The following DENND1A variants were observed in gnomAD, a reference collection of about 807,000 sequenced individuals.
DENND1A encodes DENN domain containing 1A.
In DENND1A, 51 loss-of-function variants were observed where a neutral mutation model predicts 113.7. The observed-to-expected ratio is 0.45, with a 90% CI of 0.36 to 0.57. The LOEUF is 0.57. DENND1A is among the 20% of genes least tolerant of loss of function. DENND1A has a pLI of 0.00. For missense variants in DENND1A, 1,258 were observed against 1,395.9 expected, an observed-to-expected ratio of 0.90 and a Z score of 1.57; for synonymous variants, 565 against 570.8, an observed-to-expected ratio of 0.99 and a Z score of 0.14.
At chr9:123,530,361 CTGTT>C (rs747110117) in intron 13 of DENND1A, among the ~76,000 whole-genome samples, 82 of 152,096 alleles carry the variant, frequency 5.4e-4, no homozygotes, top group Non-Finnish European at 9.6e-4. Context: ...TGATAACAGA[CTGTT>C]TGCCAATAGA....
chr9:123,394,332 G>A (rs1048299666), intron 21 of DENND1A, among the ~76,000 whole-genome samples: 11 of 152,176 alleles, frequency 7.2e-5, no homozygotes, highest in African/African-American at 2.7e-4. Flanking sequence ...GCATCTCCGA[G>A]AGGGGCAGGC....
At chr9:123,840,898 T>A (rs916256730) in intron 2 of DENND1A, among the ~76,000 whole-genome samples, 2 of 152,170 alleles carry the variant, frequency 1.3e-5, no homozygotes, top group Non-Finnish European at 2.9e-5. Flanking sequence ...TATTGCCTCA[T>A]TTTACAATTA....
At chr9:123,525,238 G>A (rs924457228) in intron 13 of DENND1A, among the ~76,000 whole-genome samples, 17 of 152,196 alleles carry the variant, frequency 1.1e-4, no homozygotes, top group Admixed American at 7.9e-4. Context: ...CCAGGACCCA[G>A]GGAGCAGCCC....
intron 13 of DENND1A, among the ~76,000 whole-genome samples, chr9:123,555,171 G>C (rs2057349452): frequency 6.6e-6 from 1 of 152,060 alleles, no homozygotes; most frequent in Non-Finnish European, 1.5e-5. Flanking sequence ...CCTCCTTCAT[G>C]GTCCCTGTTC....
chr9:123,440,868 T>C (rs993343437), intron 18 of DENND1A, among the ~76,000 whole-genome samples: 1 of 152,242 alleles, frequency 6.6e-6, no homozygotes, highest in African/African-American at 2.4e-5. Context: ...TTCCCCACTA[T>C]ATTATAAGCA....
chr9:123,393,423 C>T (rs945049407), intron 21 of DENND1A, among the ~76,000 whole-genome samples: 1 of 152,068 alleles, frequency 6.6e-6, no homozygotes. Context: ...AGAGATTCCA[C>T]AGCAAAGGAA....
chr9:123,401,695 T>C (rs1292542846), intron 21 of DENND1A: 14 of 1,535,586 alleles, frequency 9.1e-6, no homozygotes, highest in African/African-American at 1.4e-5. Context: ...AAACTAAAAG[T>C]GATACTGACA....
chr9:123,897,214 G>A (rs1252266073), intron 1 of DENND1A, among the ~76,000 whole-genome samples: 1 of 152,194 alleles, frequency 6.6e-6, no homozygotes, highest in Non-Finnish European at 1.5e-5. Flanking sequence ...GATGAAATGG[G>A]ATAGAAGATT....
At chr9:123,658,230 T>C (rs1314431884) in intron 8 of DENND1A, among the ~76,000 whole-genome samples, 2 of 152,186 alleles carry the variant, frequency 1.3e-5, no homozygotes, top group East Asian at 3.9e-4. Flanking sequence ...GACAGGTTTG[T>C]TTAATATTCC....
intron 4 of DENND1A, among the ~76,000 whole-genome samples, chr9:123,758,667 T>C (rs1161428946): frequency 3.9e-5 from 6 of 152,186 alleles, no homozygotes; most frequent in Admixed American, 3.9e-4. Context: ...AACAACATTT[T>C]AAAGAAAGAC....
intron 13 of DENND1A, among the ~76,000 whole-genome samples, chr9:123,478,718 C>T (rs1017565643): frequency 6.6e-6 from 1 of 152,152 alleles, no homozygotes; most frequent in Admixed American, 6.5e-5. Flanking sequence ...AATGGTACAA[C>T]CTAGATGGTA....
Position 123,826,595 on chromosome 9 carries a change from T to C in DENND1A, c.89-33965A>G, listed in dbSNP as rs548508424. 3.9e-5 allele frequency among the ~76,000 whole-genome samples: 6 copies of C among 152,176 alleles called. No homozygotes were observed. In the South Asian group the frequency reaches 1.2e-3, roughly 32 times the overall value. On this transcript the variant is annotated intron_variant, in intron 2 of 23. Transcript: ENST00000394215. ...CCACATTCCATGATACCCTTGATTC[T>C]CTTGGCTGAGGTTCTCAGTATTAGC...
At chr9:123,461,521 C>T (rs933627334) in intron 13 of DENND1A, among the ~76,000 whole-genome samples, 1 of 152,130 alleles carries the variant, frequency 6.6e-6, no homozygotes, top group African/African-American at 2.4e-5. Flanking sequence ...TTGAGCTGCT[C>T]CAAGGAAATG....
At chr9:123,530,365 T>A (rs2055197672) in intron 13 of DENND1A, among the ~76,000 whole-genome samples, 2 of 151,972 alleles carry the variant, frequency 1.3e-5, no homozygotes, top group Non-Finnish European at 2.9e-5. Flanking sequence ...AACAGACTGT[T>A]TGCCAATAGA....
chr9:123,573,926 T>C (rs1351669996), intron 12 of DENND1A, among the ~76,000 whole-genome samples: 2 of 152,094 alleles, frequency 1.3e-5, no homozygotes, highest in Admixed American at 6.5e-5. Context: ...ACAGTGAGAA[T>C]ACTTCATTTT....
intron 1 of DENND1A, among the ~76,000 whole-genome samples, chr9:123,879,553 TAC>T (rs138124573): frequency 8.0e-5 from 12 of 150,042 alleles, no homozygotes; most frequent in South Asian, 2.1e-4. Flanking sequence ...AATAAAATTA[TAC>T]ACACACACAC....
chr9:123,869,099 A>T (rs1419722460), intron 2 of DENND1A, among the ~76,000 whole-genome samples: 1 of 152,240 alleles, frequency 6.6e-6, no homozygotes, highest in African/African-American at 2.4e-5. Flanking sequence ...ATACATATGC[A>T]TTATATAATT....
At chr9:123,908,667 A>G (rs1588191055) in intron 1 of DENND1A, among the ~76,000 whole-genome samples, 1 of 151,556 alleles carries the variant, frequency 6.6e-6, no homozygotes, top group African/African-American at 2.4e-5. Flanking sequence ...CACACCAGTT[A>G]GAATGGCAAT....
chr9:123,836,279 C>G (rs1841034495), intron 2 of DENND1A, among the ~76,000 whole-genome samples: 1 of 152,112 alleles, frequency 6.6e-6, no homozygotes, highest in African/African-American at 2.4e-5. Context: ...CATAAAATAA[C>G]TATGAGGAAA....
Sources: allele counts gnomAD v4.1 joint callset (sites outside exome capture counted in the v4.1 genomes callset), GRCh38; gene constraint gnomAD v4.1.1; transcripts MANE v1.5; gene names NCBI Gene and HGNC (gene_info 2026-07-23, HGNC 2026-07-21).